The following NOP9 variants were observed in gnomAD, a reference collection of about 807,000 sequenced individuals.
The protein encoded by NOP9 is NOP9 nucleolar protein.
A neutral mutation model predicts 63.0 loss-of-function variants in NOP9; 50 were observed. The ratio of observed to expected loss-of-function variants is 0.79; its 90% CI spans 0.63 to 1.00. The LOEUF (loss-of-function observed/expected upper bound fraction) is 1.00, where lower values mean the gene tolerates loss of function less well. Among genes scored for constraint, NOP9 ranks in the 50% least tolerant of loss-of-function variants. The pLI is 0.00. For missense variants in NOP9, 758 were observed against 803.0 expected (o/e 0.94, Z 0.68); for synonymous variants, 343 against 332.8 (o/e 1.03, Z -0.33).
chr14:24,278,828 T>C, the NOP9 span, among the ~76,000 whole-genome samples: 1 of 151,984 alleles, frequency 6.6e-6, no homozygotes, highest in South Asian at 2.1e-4. Flanking sequence ...TGTGGCCCAT[T>C]TTGAGAGGGA....
chr14:24,304,437 C>T (rs2041439926), intron 8 of NOP9, 56 bp from the exon 9 acceptor site: 3 of 1,481,376 alleles, frequency 2.0e-6, no homozygotes, highest in Non-Finnish European at 2.8e-6. Context: ...CCACAAGCCT[C>T]CAAAATACTT....
At chr14:24,292,048 A>T in the NOP9 span, 4 of 1,113,482 alleles carry the variant, frequency 3.6e-6, no homozygotes, top group Middle Eastern at 6.1e-4. Flanking sequence ...GGATTAAAGG[A>T]AATAATGTGT....
At chr14:24,296,366 G>C (rs933150415), upstream of NOP9, 1 of 781,828 alleles carries the variant, frequency 1.3e-6, no homozygotes, top group Non-Finnish European at 2.1e-6. Context: ...TTCTCCAGAG[G>C]TAAGTGGGAC....
Position 24,302,275 on chromosome 14 carries a change from C to T in NOP9, c.994C>T (p.Leu332=). ...CCGAGATCAGACGAGTTCCAGACTCCTGGAGCAGGTCCTGCTGGTGTTGGA... is the reference window on the plus strand; with the variant it reads ...CCGAGATCAGACGAGTTCCAGACTCTTGGAGCAGGTCCTGCTGGTGTTGGA... ...FLRDQTSSRL[L]EQVLLVLEPP... The change falls in exon 5 of 10, where the codon CTG becomes TTG. Residue 332 remains leucine, a synonymous_variant. Transcript: ENST00000267425. 1 of 1,614,168 alleles carries T rather than the reference C, an allele frequency of 6.2e-7. No individual in the cohort carries two copies.
At chr14:24,303,889 A>G (rs2041424537) in intron 7 of NOP9, 32 bp downstream of exon 7, 2 of 1,609,904 alleles carry the variant, frequency 1.2e-6, no homozygotes, top group African/African-American at 1.3e-5. Flanking sequence ...GCCAGTGACT[A>G]ATTGGGAGTC....
At position 24,303,733 on chromosome 14, in the gene NOP9, C is replaced by T; in HGVS notation, c.1286C>T (p.Ala429Val). Residue 429 changes from alanine (A) to valine (V), a missense_variant and splice_region_variant, in exon 7 of 10, where the codon GCA (alanine) becomes GTA (valine). Physicochemically the swap from Ala to Val is moderately conservative, Grantham distance 64. Transcript: ENST00000267425. The part of the protein sequence containing the change: ...QAKVLQLLLE[A>V]FHCAEPSSRQ... ...ATCATATTCTGTCTTCTCCTTTAGG[C>T]ATTCCACTGTGCAGAGCCCTCATCC... 1 of 1,613,836 alleles carries T rather than the reference C, an allele frequency of 6.2e-7. No individual in the cohort carries two copies.
rs2041377720 is a variant in NOP9, at chr14:24,301,610, AG to A, written c.698-1del. On this transcript the variant is annotated splice_acceptor_variant, in intron 2 of 9. Coordinates refer to ENST00000267425, the MANE Select transcript of NOP9 (RefSeq NM_174913.3). LOFTEE classifies it high-confidence loss of function. ...CTGCACATGTTCTTAATCTTCCTTC[AG>A]AAGCACAGAAGACCCCAGCTCAGGA... 2 of 1,614,058 alleles carry A rather than the reference AG, an allele frequency of 1.2e-6. No individual in the cohort carries two copies. Among genetic ancestry groups the A allele is most frequent in the Admixed American group, 1.7e-5 (1 of 60,004 alleles).
At position 24,301,593 on chromosome 14, in the gene NOP9, G is replaced by C; in HGVS notation, c.698-19G>C. On this transcript the variant is annotated intron_variant, in intron 2 of 9. Transcript: ENST00000267425. ...AGTTTGTGATCTCCCCACTGCACAT[G>C]TTCTTAATCTTCCTTCAGAAGCACA... 6.2e-7 allele frequency: 1 copy of C among 1,614,008 alleles called. No homozygotes were observed. The highest frequency in any genetic ancestry group is 8.5e-7 in the Non-Finnish European group (1 of 1,179,878).
chr14:24,299,639 T>G, upstream of NOP9: 1 of 322,370 alleles, frequency 3.1e-6, no homozygotes, highest in Non-Finnish European at 5.7e-6. Context: ...GAAGTCTGGG[T>G]TCTCGCCCAG....
chr14:24,303,725 C>G lies in NOP9; in HGVS notation c.1285-7C>G. Reference sequence around the variant, plus strand: ...TCAGGTTCATCATATTCTGTCTTCTCCTTTAGGCATTCCACTGTGCAGAGC... The same window carrying G: ...TCAGGTTCATCATATTCTGTCTTCTGCTTTAGGCATTCCACTGTGCAGAGC... On this transcript the variant is annotated splice_polypyrimidine_tract_variant and splice_region_variant and intron_variant, in intron 6 of 9. Coordinates refer to ENST00000267425, the MANE Select transcript of NOP9 (RefSeq NM_174913.3). The G allele has an allele frequency of 1.2e-6, 2 of 1,613,506 alleles. No homozygotes were observed. Among genetic ancestry groups the G allele is most frequent in the Non-Finnish European group, 1.7e-6 (2 of 1,179,498 alleles).
chr14:24,271,291 C>A, the NOP9 span: 2 of 769,134 alleles, frequency 2.6e-6, no homozygotes, highest in Admixed American at 3.3e-5. Flanking sequence ...CTGGGACAGG[C>A]TTTGCACGTT....
upstream of NOP9, among the ~76,000 whole-genome samples, chr14:24,298,142 C>A (rs942951783): frequency 1.3e-5 from 2 of 152,120 alleles, no homozygotes; most frequent in African/African-American, 4.8e-5. Flanking sequence ...AACTCCTGGG[C>A]TCAAACGATC....
chr14:24,303,697 T>G (rs772705522), intron 6 of NOP9, 35 bp from the exon 7 acceptor site: 1 of 1,601,254 alleles, frequency 6.2e-7, no homozygotes, highest in South Asian at 1.1e-5. Context: ...GACGGAGAAG[T>G]TCTCAGGTTC....
the NOP9 span, among the ~76,000 whole-genome samples, chr14:24,279,640 C>T: frequency 6.6e-6 from 1 of 152,332 alleles, no homozygotes; most frequent in Admixed American, 6.5e-5. Context: ...GGAAAAACTT[C>T]TTGAGCCAGC....
upstream of NOP9, among the ~76,000 whole-genome samples, chr14:24,297,828 A>G (rs1279180446): frequency 6.6e-6 from 1 of 151,992 alleles, no homozygotes; most frequent in Non-Finnish European, 1.5e-5. Flanking sequence ...TCCTTTACCT[A>G]ATTCTTACCT....
chr14:24,281,230 G>A, the NOP9 span, among the ~76,000 whole-genome samples: 1 of 152,216 alleles, frequency 6.6e-6, no homozygotes, highest in Non-Finnish European at 1.5e-5. Context: ...GGTGTGGTGT[G>A]TGGGGCCGAG....
At chr14:24,303,942 AG>A in intron 7 of NOP9, 85 bp downstream of exon 7, 1 of 1,589,480 alleles carries the variant, frequency 6.3e-7, no homozygotes. Flanking sequence ...CTGAGGTGAG[AG>A]TGGTGACTTC....
At position 24,308,228 on chromosome 14, in the gene NOP9, C is replaced by T. The variant is rs2041582132; in HGVS notation, c.*3133C>T. 1 of 297,520 alleles carries T rather than the reference C, an allele frequency of 3.4e-6. No individual in the cohort carries two copies. The highest frequency in any genetic ancestry group is 8.3e-5 in the East Asian group (1 of 12,110). The allele number at this position is 297,520 out of a possible 1,614,324, so 18.4% of individuals were successfully genotyped here. A position where few individuals can be genotyped will look rare whatever the true frequency, so the allele number is the denominator to read the frequency against. On this transcript the variant is annotated 3_prime_UTR_variant, in exon 10 of 10. Coordinates refer to ENST00000267425, the MANE Select transcript of NOP9 (RefSeq NM_174913.3). ...GAATTTCTGGGGACGGTTTCTGGCT[C>T]TCAGGCTCTGAGAAGCTGCAGTTTA... is the stretch of plus-strand genomic sequence containing the variant.
chr14:24,274,700 C>T, the NOP9 span, among the ~76,000 whole-genome samples: 1 of 151,862 alleles, frequency 6.6e-6, no homozygotes, highest in Non-Finnish European at 1.5e-5. Context: ...GCTCTGCCTC[C>T]CAGGTTCATG....
Sources: allele counts gnomAD v4.1 joint callset (sites outside exome capture counted in the v4.1 genomes callset), GRCh38; gene constraint gnomAD v4.1.1; transcripts MANE v1.5; gene names NCBI Gene and HGNC (gene_info 2026-07-23, HGNC 2026-07-21).